The following SSBP2 variants were observed in gnomAD, a reference collection of about 807,000 sequenced individuals.
The protein encoded by SSBP2 is single-stranded DNA-binding protein 2.
SSBP2 carries 17 observed loss-of-function variants against 61.8 expected under a neutral mutation model. The ratio of observed to expected loss-of-function variants is 0.28; its 90% CI spans 0.19 to 0.41. SSBP2 has a LOEUF of 0.41. Among genes scored for constraint, SSBP2 ranks in the 10% least tolerant of loss-of-function variants. The pLI, the probability that SSBP2 is intolerant of heterozygous loss-of-function variation, is 1.00. For missense variants in SSBP2, 310 were observed against 458.7 expected (o/e 0.68, Z 2.96); for synonymous variants, 139 against 141.3 (o/e 0.98, Z 0.12).
rs970531841 is a variant in SSBP2, at chr5:81,664,135, T to G, written c.63-13796A>C. On this transcript the variant is annotated intron_variant, in intron 1 of 16. Coordinates refer to ENST00000320672, the MANE Select transcript of SSBP2 (RefSeq NM_012446.5). ...TTTTTTGTTTTTTGTTTTTGTTTTT[T>G]TTTTTGAGACAGAATCTCACTCTAT... Among the ~76,000 whole-genome samples the G allele has an allele frequency of 3.3e-5, 5 of 151,588 alleles. No homozygotes were observed. In the East Asian group the frequency reaches 7.7e-4, roughly 23 times the overall value.
At chr5:81,734,813 CA>C (rs1193584789) in intron 1 of SSBP2, among the ~76,000 whole-genome samples, 1 of 151,578 alleles carries the variant, frequency 6.6e-6, no homozygotes, top group Non-Finnish European at 1.5e-5. Context: ...CTACTAAAAA[CA>C]CAAAAAACTA....
At chr5:81,453,772 AG>A (rs1323058437) in intron 10 of SSBP2, among the ~76,000 whole-genome samples, 12 of 152,120 alleles carry the variant, frequency 7.9e-5, no homozygotes, top group Admixed American at 7.9e-4. Flanking sequence ...TTATTCTTGA[AG>A]GCTGTCAGGC....
intron 2 of SSBP2, among the ~76,000 whole-genome samples, chr5:81,639,639 C>T (rs972852284): frequency 1.3e-5 from 2 of 151,784 alleles, no homozygotes; most frequent in Admixed American, 6.6e-5. Flanking sequence ...AAAAAAAACT[C>T]TATGCATAAG....
intron 4 of SSBP2, among the ~76,000 whole-genome samples, chr5:81,593,152 T>C (rs1464700355): frequency 6.6e-6 from 1 of 152,052 alleles, no homozygotes; most frequent in South Asian, 2.1e-4. Flanking sequence ...TTAAAGGACC[T>C]GATGGAGATG....
chr5:81,452,078 G>A (rs1031757589), intron 10 of SSBP2, among the ~76,000 whole-genome samples: 1 of 150,676 alleles, frequency 6.6e-6, no homozygotes, highest in Non-Finnish European at 1.5e-5. Context: ...GAGAAGAACT[G>A]CTATAAAAAA....
intron 4 of SSBP2, among the ~76,000 whole-genome samples, chr5:81,545,297 A>G (rs749469304): frequency 6.6e-6 from 1 of 152,216 alleles, no homozygotes; most frequent in Admixed American, 6.5e-5. Flanking sequence ...GCAATCCTAT[A>G]CATAGTAGAC....
At chr5:81,723,673 G>T (rs1489984494) in intron 1 of SSBP2, among the ~76,000 whole-genome samples, 1 of 151,930 alleles carries the variant, frequency 6.6e-6, no homozygotes, top group Non-Finnish European at 1.5e-5. Context: ...TGATTTCTGA[G>T]TCATCATTAC....
At chr5:81,665,138 A>G (rs954695734) in intron 1 of SSBP2, among the ~76,000 whole-genome samples, 5 of 152,222 alleles carry the variant, frequency 3.3e-5, no homozygotes, top group Admixed American at 2.0e-4. Flanking sequence ...TTAAATCTAT[A>G]AATTGCTTTG....
At chr5:81,645,361 C>G (rs772715114) in intron 2 of SSBP2, among the ~76,000 whole-genome samples, 6 of 152,062 alleles carry the variant, frequency 3.9e-5, no homozygotes, top group African/African-American at 1.4e-4. Flanking sequence ...TTTAGCAATC[C>G]TAATAAAATC....
chr5:81,556,316 C>A (rs1307773749), intron 4 of SSBP2, among the ~76,000 whole-genome samples: 1 of 151,982 alleles, frequency 6.6e-6, no homozygotes, highest in Non-Finnish European at 1.5e-5. Context: ...CCATGTTTTA[C>A]GGGTACCAGA....
chr5:81,640,234 G>A (rs535562299), intron 2 of SSBP2, among the ~76,000 whole-genome samples: 1 of 152,236 alleles, frequency 6.6e-6, no homozygotes, highest in Admixed American at 6.5e-5. Flanking sequence ...CAGCTACTCA[G>A]GAGGCGGAGG....
intron 1 of SSBP2, among the ~76,000 whole-genome samples, chr5:81,690,776 T>C (rs1409631718): frequency 6.6e-6 from 1 of 152,054 alleles, no homozygotes; most frequent in Non-Finnish European, 1.5e-5. Flanking sequence ...TACACATTCT[T>C]CTCCCCACAT....
At chr5:81,586,347 A>T (rs1775054522) in intron 4 of SSBP2, among the ~76,000 whole-genome samples, 1 of 152,146 alleles carries the variant, frequency 6.6e-6, no homozygotes, top group Non-Finnish European at 1.5e-5. Flanking sequence ...CCATCTTAAT[A>T]GGTGTTAGGT....
chr5:81,461,073 GT>G lies in SSBP2; in HGVS notation c.668del (p.Asn223ThrfsTer19). The stretch of plus-strand genomic sequence containing the variant: ...TACTCACTGAATTGGCATTTGTTGG[GT>G]TTGGCCAAGGTCTACCACCACCTGG... On this transcript the variant is annotated frameshift_variant, in exon 10 of 17. Coordinates refer to ENST00000320672, the MANE Select transcript of SSBP2 (RefSeq NM_012446.5). LOFTEE classifies it high-confidence loss of function. 6.3e-7 allele frequency: 1 copy of G among 1,579,050 alleles called. No individual in the cohort carries two copies. Among genetic ancestry groups the G allele is most frequent in the Non-Finnish European group, 8.6e-7 (1 of 1,161,908 alleles).
chr5:81,693,671 G>A (rs966018091), intron 1 of SSBP2, among the ~76,000 whole-genome samples: 1 of 152,102 alleles, frequency 6.6e-6, no homozygotes, highest in Non-Finnish European at 1.5e-5. Flanking sequence ...CCAAAAGACA[G>A]GCAATAACAA....
intron 4 of SSBP2, among the ~76,000 whole-genome samples, chr5:81,608,031 A>G (rs1223650487): frequency 6.6e-6 from 1 of 151,878 alleles, no homozygotes; most frequent in Admixed American, 6.6e-5. Context: ...CTTCCTTCCT[A>G]TTACTCCTTA....
intron 4 of SSBP2, among the ~76,000 whole-genome samples, chr5:81,533,708 G>A (rs1265065561): frequency 6.6e-6 from 1 of 152,044 alleles, no homozygotes; most frequent in African/African-American, 2.4e-5. Flanking sequence ...GATACAGACA[G>A]GCAATTTACC....
intron 2 of SSBP2, among the ~76,000 whole-genome samples, chr5:81,642,628 A>T (rs1581234629): frequency 6.6e-6 from 1 of 152,236 alleles, no homozygotes; most frequent in South Asian, 2.1e-4. Context: ...TTTTACATAT[A>T]TGTAACAATT....
At chr5:81,658,566 ATTG>A (rs1320497850) in intron 1 of SSBP2, among the ~76,000 whole-genome samples, 1 of 152,046 alleles carries the variant, frequency 6.6e-6, no homozygotes, top group African/African-American at 2.4e-5. Flanking sequence ...ATTATTTTTT[ATTG>A]TTGATTTTAT....
Sources: allele counts gnomAD v4.1 joint callset (sites outside exome capture counted in the v4.1 genomes callset), GRCh38; gene constraint gnomAD v4.1.1; transcripts MANE v1.5; gene names NCBI Gene and HGNC (gene_info 2026-07-23, HGNC 2026-07-21).